Variants in GPR158 observed in about 807,000 individuals in gnomAD.
GPR158 encodes the protein metabotropic glycine receptor.
GPR158 carries 30 observed loss-of-function variants against 78.2 expected under a neutral mutation model. That is an observed-to-expected ratio of 0.38 (90% CI 0.29 to 0.52). The LOEUF (loss-of-function observed/expected upper bound fraction) is 0.52, where lower values mean the gene tolerates loss of function less well. Ranked by LOEUF, GPR158 falls within the 20% of genes least tolerant of loss-of-function variation. GPR158 has a pLI of 0.83. For missense variants in GPR158, 1,463 were observed against 1,523.5 expected (o/e 0.96, Z 0.66); for synonymous variants, 581 against 591.1 (o/e 0.98, Z 0.25).
intron 5 of GPR158, among the ~76,000 whole-genome samples, chr10:25,485,823 G>A (rs1835727799): frequency 6.6e-6 from 1 of 151,982 alleles, no homozygotes; most frequent in Non-Finnish European, 1.5e-5. Context: ...GTTTGTTATG[G>A]TCTGAATATT....
intron 2 of GPR158, among the ~76,000 whole-genome samples, chr10:25,387,516 A>ATTTTT (rs57404980): frequency 0.012 from 1,678 of 140,442 alleles, 16 homozygotes; most frequent in African/African-American, 0.022. Flanking sequence ...TTCTCTTCAA[A>ATTTTT]TTTTTTTTTT....
intron 1 of GPR158, among the ~76,000 whole-genome samples, chr10:25,200,858 TTTTTG>T: frequency 6.9e-6 from 1 of 144,450 alleles, no homozygotes; most frequent in East Asian, 2.1e-4. Flanking sequence ...ATGTATCTGT[TTTTTG>T]TTTTGTTTTT....
chr10:25,424,541 A>G (rs996341047), intron 4 of GPR158, among the ~76,000 whole-genome samples: 4 of 151,152 alleles, frequency 2.6e-5, no homozygotes, highest in African/African-American at 4.9e-5. Flanking sequence ...TCTTTAATCC[A>G]TTTTGAATTA....
chr10:25,388,511 T>C (rs79310875), intron 2 of GPR158, among the ~76,000 whole-genome samples: 71 of 152,318 alleles, frequency 4.7e-4, no homozygotes, highest in South Asian at 8.3e-4. Flanking sequence ...CCCAGGAACA[T>C]TGGAGTCATT....
intron 1 of GPR158, among the ~76,000 whole-genome samples, chr10:25,186,871 G>A (rs74501169): frequency 5.3e-5 from 8 of 151,364 alleles, no homozygotes; most frequent in Non-Finnish European, 8.8e-5. Context: ...TAACTCATTT[G>A]ATGAGGCCAG....
At chr10:25,400,218 G>A (rs752590694) in intron 3 of GPR158, among the ~76,000 whole-genome samples, 1 of 152,018 alleles carries the variant, frequency 6.6e-6, no homozygotes, top group Non-Finnish European at 1.5e-5. Context: ...TGCCTAATAG[G>A]GAGAAACAGA....
In GPR158 at chr10:25,198,748, A is replaced by G. The variant is rs551602605; in HGVS notation, c.903-22304A>G. ...CTGCGCAATGGGTTACCATACAGCA[A>G]TGAAGGAAAAATGCTGTGACGTTGC... On this transcript the variant is annotated intron_variant, in intron 1 of 10. Transcript: ENST00000376351. Among the ~76,000 whole-genome samples, 6 of 152,272 alleles carry G rather than the reference A, an allele frequency of 3.9e-5. No individual in the cohort carries two copies. The South Asian group carries it at 1.0e-3, about 26-fold the overall frequency.
chr10:25,426,983 TAG>T (rs59565937), intron 4 of GPR158, among the ~76,000 whole-genome samples: 106,046 of 151,708 alleles, frequency 0.7, 38,066 homozygotes, highest in Non-Finnish European at 0.8. Flanking sequence ...TCAAATTAGA[TAG>T]TTTTAATATT....
chr10:25,488,992 T>C (rs2130644892), intron 5 of GPR158, among the ~76,000 whole-genome samples: 1 of 152,256 alleles, frequency 6.6e-6, no homozygotes, highest in South Asian at 2.1e-4. Flanking sequence ...CCATGGGCTT[T>C]TTGTAAAAGG....
intron 4 of GPR158, among the ~76,000 whole-genome samples, chr10:25,422,526 C>CA (rs1432358083): frequency 6.6e-6 from 1 of 151,482 alleles, no homozygotes; most frequent in Non-Finnish European, 1.5e-5. Context: ...TTCCTGGTGC[C>CA]AAAATGGTTG....
chr10:25,413,333 C>T (rs1834618333), intron 4 of GPR158, among the ~76,000 whole-genome samples: 1 of 152,106 alleles, frequency 6.6e-6, no homozygotes, highest in African/African-American at 2.4e-5. Context: ...CCTGCCCTGT[C>T]TCAATAAAAA....
chr10:25,338,714 T>C (rs1855262460), intron 2 of GPR158, among the ~76,000 whole-genome samples: 1 of 149,928 alleles, frequency 6.7e-6, no homozygotes, highest in Non-Finnish European at 1.5e-5. Context: ...TCTGAAACTT[T>C]GTTCTTTCTT....
chr10:25,540,640 T>C lies in GPR158; in HGVS notation c.1405-10336T>C, dbSNP rs551944200. 8.6e-4 allele frequency among the ~76,000 whole-genome samples: 130 copies of C among 151,840 alleles called. 3 individuals carry two copies. Among genetic ancestry groups the C allele is most frequent in the Non-Finnish European group, 5.2e-4 (35 of 67,922 alleles). Reference sequence around the variant, plus strand: ...AAAAAGGATGAGTTCATGTCCTTTGTAGGGACATGGATGAAGCTGGAAACC... The same window carrying C: ...AAAAAGGATGAGTTCATGTCCTTTGCAGGGACATGGATGAAGCTGGAAACC... On this transcript the variant is annotated intron_variant, in intron 5 of 10. Transcript: ENST00000376351.
At chr10:25,280,182 A>G (rs961671418) in intron 2 of GPR158, among the ~76,000 whole-genome samples, 1 of 152,214 alleles carries the variant, frequency 6.6e-6, no homozygotes, top group Non-Finnish European at 1.5e-5. Context: ...AGAGGTTGAC[A>G]GATTGCATTA....
intron 2 of GPR158, among the ~76,000 whole-genome samples, chr10:25,253,766 T>A (rs1221869176): frequency 1.3e-5 from 2 of 152,182 alleles, no homozygotes; most frequent in East Asian, 3.8e-4. Flanking sequence ...GTTCATGACT[T>A]GTTGATGGGA....
chr10:25,279,179 A>C (rs1397185079), intron 2 of GPR158, among the ~76,000 whole-genome samples: 7 of 151,706 alleles, frequency 4.6e-5, no homozygotes, highest in African/African-American at 7.3e-5. Flanking sequence ...GATGCTGCTG[A>C]TGCTGCTGCT....
intron 6 of GPR158, among the ~76,000 whole-genome samples, chr10:25,557,153 G>A (rs1044817851): frequency 6.6e-6 from 1 of 152,334 alleles, no homozygotes; most frequent in Non-Finnish European, 1.5e-5. Flanking sequence ...AGACCGTTTT[G>A]TGTGCTATCT....
chr10:25,192,521 C>T lies in GPR158; in HGVS notation c.902+16199C>T, dbSNP rs561873521. ...ATCCAAGAATTTCCACTTTCACTTA[C>T]TGTGTGACACTAGAAAGTTATGTAA... is the stretch of plus-strand genomic sequence containing the variant. On this transcript the variant is annotated intron_variant, in intron 1 of 10. Transcript: ENST00000376351. Among the ~76,000 whole-genome samples, 3 of 152,240 alleles carry T rather than the reference C, an allele frequency of 2.0e-5. No individual in the cohort carries two copies. In the East Asian group the frequency reaches 5.8e-4, roughly 29 times the overall value.
In GPR158 at chr10:25,597,194, G is replaced by A. The variant is rs573938188; in HGVS notation, c.2145+405G>A. Among the ~76,000 whole-genome samples, 19 of 152,254 alleles carry A rather than the reference G, an allele frequency of 1.2e-4. No individual in the cohort carries two copies. The South Asian group carries it at 2.5e-3, about 20-fold the overall frequency. On this transcript the variant is annotated intron_variant, in intron 10 of 10. Coordinates refer to ENST00000376351, the MANE Select transcript of GPR158 (RefSeq NM_020752.3). The stretch of plus-strand genomic sequence containing the variant: ...TGGATTATTTAAAATAATCTATGAC[G>A]ACATATCAGCATCTGAAGGAAGCAG...
Sources: allele counts gnomAD v4.1 joint callset (sites outside exome capture counted in the v4.1 genomes callset), GRCh38; gene constraint gnomAD v4.1.1; transcripts MANE v1.5; gene names NCBI Gene and HGNC (gene_info 2026-07-23, HGNC 2026-07-21).